CNTNAP2: variants seen among roughly 807,000 people sequenced by gnomAD.
The protein encoded by CNTNAP2 is contactin-associated protein-like 2.
CNTNAP2 carries 98 observed loss-of-function variants against 155.2 expected under a neutral mutation model. That is an observed-to-expected ratio of 0.63 (90% CI 0.54 to 0.75). The LOEUF is 0.75. CNTNAP2 is among the 30% of genes least tolerant of loss of function. CNTNAP2 has a pLI of 0.00. For missense variants in CNTNAP2, 1,727 were observed against 1,688.1 expected (o/e 1.02, Z -0.40); for synonymous variants, 651 against 631.2 (o/e 1.03, Z -0.47).
At chr7:147,275,580 AG>A (rs1804877713) in intron 8 of CNTNAP2, among the ~76,000 whole-genome samples, 1 of 151,894 alleles carries the variant, frequency 6.6e-6, no homozygotes, top group South Asian at 2.1e-4. Flanking sequence ...GATCTTTTGA[AG>A]GGACCTTTAA....
intron 21 of CNTNAP2, among the ~76,000 whole-genome samples, chr7:148,383,204 T>TG (rs1430934854): frequency 2.0e-5 from 3 of 150,712 alleles, no homozygotes; most frequent in Non-Finnish European, 2.9e-5. Context: ...TTTTTTTTTT[T>TG]TTTAAAGAAT....
intron 1 of CNTNAP2, among the ~76,000 whole-genome samples, chr7:146,403,988 A>G (rs111805283): frequency 0.03 from 4,509 of 150,576 alleles, 225 homozygotes; most frequent in African/African-American, 0.1. Context: ...AGCCGGGCGT[A>G]GTGGCGGGCG....
intron 4 of CNTNAP2, among the ~76,000 whole-genome samples, chr7:147,094,483 G>T (rs1322118502): frequency 1.4e-5 from 2 of 146,848 alleles, no homozygotes; most frequent in Non-Finnish European, 3.0e-5. Flanking sequence ...CTCACTGCAA[G>T]CTCCGCCTCC....
intron 1 of CNTNAP2, among the ~76,000 whole-genome samples, chr7:146,453,361 C>A (rs2129122783): frequency 6.6e-6 from 1 of 152,246 alleles, no homozygotes; most frequent in South Asian, 2.1e-4. Context: ...AGTAGTAAAG[C>A]AAAATTAACC....
chr7:146,313,267 A>G (rs1175157903), intron 1 of CNTNAP2, among the ~76,000 whole-genome samples: 2 of 152,164 alleles, frequency 1.3e-5, no homozygotes, highest in African/African-American at 4.8e-5. Flanking sequence ...GCATGTGGTG[A>G]TATCCCACTG....
intron 1 of CNTNAP2, among the ~76,000 whole-genome samples, chr7:146,220,947 G>C (rs559568558): frequency 6.6e-6 from 1 of 152,176 alleles, no homozygotes; most frequent in Non-Finnish European, 1.5e-5. Context: ...CCCAGTCTGA[G>C]GCCTATGCCC....
intron 8 of CNTNAP2, among the ~76,000 whole-genome samples, chr7:147,223,681 G>A (rs553833487): frequency 4.6e-5 from 7 of 152,204 alleles, no homozygotes; most frequent in Admixed American, 2.0e-4. Flanking sequence ...GGTGGCTCAC[G>A]CCTCTAATCC....
chr7:147,963,981 A>C (rs1801161218), intron 14 of CNTNAP2, among the ~76,000 whole-genome samples: 1 of 151,918 alleles, frequency 6.6e-6, no homozygotes, highest in Admixed American at 6.6e-5. Flanking sequence ...CCTCTGAAAA[A>C]CTCATCTATT....
In CNTNAP2 at chr7:147,323,939, A is replaced by G. The variant is rs181111525; in HGVS notation, c.1498+23649A>G. 2.4e-3 allele frequency among the ~76,000 whole-genome samples: 371 copies of G among 152,270 alleles called. 2 individuals carry two copies. The highest frequency in any genetic ancestry group is 4.1e-3 in the Non-Finnish European group (276 of 68,020). On this transcript the variant is annotated intron_variant, in intron 9 of 23. Transcript: ENST00000361727. ...ACCATTTCCCAAAACATTAGGATCT[A>G]TTAAAAATAATGTGGATGGTTATCT...
intron 8 of CNTNAP2, among the ~76,000 whole-genome samples, chr7:147,139,442 G>T (rs1420630656): frequency 6.6e-6 from 1 of 152,048 alleles, no homozygotes; most frequent in East Asian, 1.9e-4. Flanking sequence ...CAGGGATGAT[G>T]TACCTTCATA....
Position 147,376,171 on chromosome 7 carries a change from C to T in CNTNAP2, c.1499-19438C>T, listed in dbSNP as rs971835570. Among the ~76,000 whole-genome samples, 6 of 151,988 alleles carry T rather than the reference C, an allele frequency of 3.9e-5. No individual in the cohort carries two copies. In the East Asian group the frequency reaches 9.6e-4, roughly 24 times the overall value. The stretch of plus-strand genomic sequence containing the variant: ...ATTTATGGATTCATCATTAAACATA[C>T]ATGTTTTGGAAGCTTAGTATTTATC... On this transcript the variant is annotated intron_variant, in intron 9 of 23. Coordinates refer to ENST00000361727, the MANE Select transcript of CNTNAP2 (RefSeq NM_014141.6).
At chr7:146,244,384 G>A (rs1799611832) in intron 1 of CNTNAP2, among the ~76,000 whole-genome samples, 1 of 151,392 alleles carries the variant, frequency 6.6e-6, no homozygotes, top group African/African-American at 2.5e-5. Flanking sequence ...TAGTAGGAAT[G>A]ACAAGTTTTT....
chr7:147,596,098 A>G (rs931084637), intron 12 of CNTNAP2, among the ~76,000 whole-genome samples: 10 of 152,188 alleles, frequency 6.6e-5, no homozygotes, highest in Non-Finnish European at 1.0e-4. Context: ...TCAGCATTTA[A>G]CTGTCTCTCA....
chr7:147,612,416 T>G (rs1801204541), intron 12 of CNTNAP2, among the ~76,000 whole-genome samples: 1 of 151,380 alleles, frequency 6.6e-6, no homozygotes, highest in African/African-American at 2.4e-5. Context: ...TTTTTTTTTT[T>G]TTCTGAGACG....
intron 1 of CNTNAP2, among the ~76,000 whole-genome samples, chr7:146,312,020 T>TG (rs575449692): frequency 8.9e-4 from 136 of 152,266 alleles, no homozygotes; most frequent in Middle Eastern, 3.4e-3. Flanking sequence ...CTAAGGATTT[T>TG]CAATGAGAGA....
At chr7:146,650,544 G>C (rs576012715) in intron 1 of CNTNAP2, among the ~76,000 whole-genome samples, 1 of 152,098 alleles carries the variant, frequency 6.6e-6, no homozygotes, top group South Asian at 2.1e-4. Flanking sequence ...GGCCTGTTGC[G>C]GGGTGGGGGG....
At chr7:147,764,878 T>A (rs1007642760) in intron 13 of CNTNAP2, among the ~76,000 whole-genome samples, 1 of 152,194 alleles carries the variant, frequency 6.6e-6, no homozygotes, top group African/African-American at 2.4e-5. Flanking sequence ...TCACAAACAC[T>A]AAGGTTTTGG....
chr7:146,631,078 C>CA (rs1469689504), intron 1 of CNTNAP2, among the ~76,000 whole-genome samples: 16 of 151,734 alleles, frequency 1.1e-4, no homozygotes, highest in Admixed American at 9.8e-4. Context: ...TTCATATGGA[C>CA]AAAAAAAGAG....
chr7:146,185,479 G>A (rs889202141), intron 1 of CNTNAP2, among the ~76,000 whole-genome samples: 1 of 152,100 alleles, frequency 6.6e-6, no homozygotes, highest in East Asian at 1.9e-4. Context: ...CACAAATGCT[G>A]GCTCTGAATT....
Sources: allele counts gnomAD v4.1 joint callset (sites outside exome capture counted in the v4.1 genomes callset), GRCh38; gene constraint gnomAD v4.1.1; transcripts MANE v1.5; gene names NCBI Gene and HGNC (gene_info 2026-07-23, HGNC 2026-07-21).